TFB1M: variants seen among roughly 807,000 people sequenced by gnomAD.
TFB1M encodes the protein transcription factor B1, mitochondrial, also known as dimethyladenosine transferase 1, mitochondrial.
A neutral mutation model predicts 31.1 loss-of-function variants in TFB1M; 27 were observed. The ratio of observed to expected loss-of-function variants is 0.87; its 90% confidence interval spans 0.64 to 1.20. TFB1M has a LOEUF of 1.20. Ranked by LOEUF, TFB1M falls within the 50% of genes most tolerant of loss-of-function variation. TFB1M has a pLI of 0.00. For synonymous variants in TFB1M, 166 were observed against 151.8 expected (o/e 1.09, Z -0.69); for missense variants, 394 against 418.7 (o/e 0.94, Z 0.51).
intron 5 of TFB1M, among the ~76,000 whole-genome samples, chr6:155,277,543 A>C (rs6931617): frequency 0.71 from 108,126 of 152,114 alleles, 38,823 homozygotes; most frequent in East Asian, 0.98. Flanking sequence ...GGAAGAATAT[A>C]TTTTACGTAA....
chr6:155,279,120 G>C (rs1785363025), intron 5 of TFB1M, among the ~76,000 whole-genome samples: 1 of 151,976 alleles, frequency 6.6e-6, no homozygotes, highest in Non-Finnish European at 1.5e-5. Flanking sequence ...TTCTGAGTTT[G>C]AGAAATCATA....
At chr6:155,242,010 G>C in the TFB1M span, among the ~76,000 whole-genome samples, 1 of 152,340 alleles carries the variant, frequency 6.6e-6, no homozygotes, top group Non-Finnish European at 1.5e-5. Flanking sequence ...AGGCCACGCT[G>C]TACTGGGAGG....
intron 5 of TFB1M, among the ~76,000 whole-genome samples, chr6:155,261,707 C>T (rs933527612): frequency 6.6e-6 from 1 of 152,008 alleles, no homozygotes; most frequent in Non-Finnish European, 1.5e-5. Context: ...AGCCTGTCCC[C>T]GAAGGTTTCA....
chr6:155,229,933 G>C, the TFB1M span, among the ~76,000 whole-genome samples: 1 of 151,850 alleles, frequency 6.6e-6, no homozygotes, highest in Admixed American at 6.6e-5. Context: ...TCACTATCAC[G>C]AGTACAGCAT....
chr6:155,236,816 T>C, the TFB1M span, among the ~76,000 whole-genome samples: 1 of 152,192 alleles, frequency 6.6e-6, no homozygotes, highest in African/African-American at 2.4e-5. Context: ...ACCCCCATGA[T>C]TCAATCATCT....
chr6:155,311,082 G>A (rs1777995456), intron 2 of TFB1M, 106 bp downstream of exon 2: 1 of 1,276,002 alleles, frequency 7.8e-7, no homozygotes, highest in Admixed American at 1.7e-5. Context: ...ATCTATAGTT[G>A]AGGAAAAACC....
intron 5 of TFB1M, among the ~76,000 whole-genome samples, chr6:155,262,535 G>A (rs183187564): frequency 6.6e-6 from 1 of 152,202 alleles, no homozygotes; most frequent in African/African-American, 2.4e-5. Context: ...TTCTCCCAGT[G>A]ACAAAGAGCC....
the TFB1M span, among the ~76,000 whole-genome samples, chr6:155,240,010 C>T: frequency 2.0e-3 from 310 of 152,340 alleles, 2 homozygotes; most frequent in African/African-American, 7.2e-3. Flanking sequence ...AGCGGTTAGA[C>T]TGGAGGGCAG....
chr6:155,290,211 C>T (rs920650478), intron 4 of TFB1M, among the ~76,000 whole-genome samples: 23 of 151,550 alleles, frequency 1.5e-4, no homozygotes, highest in African/African-American at 5.6e-4. Context: ...ATGGTGAAAC[C>T]CCGTCTCTAC....
chr6:155,247,837 G>T, the TFB1M span, among the ~76,000 whole-genome samples: 28 of 152,298 alleles, frequency 1.8e-4, no homozygotes, highest in Admixed American at 1.2e-3. Flanking sequence ...GGAATCCCAC[G>T]CTGACAGCTG....
At chr6:155,275,323 TCTC>T (rs796378828) in intron 5 of TFB1M, among the ~76,000 whole-genome samples, 30 of 152,306 alleles carry the variant, frequency 2.0e-4, no homozygotes, top group African/African-American at 6.7e-4. Flanking sequence ...AATGTCTAAA[TCTC>T]CTAACAACGT....
downstream of TFB1M, chr6:155,254,932 C>T (rs1783905072): frequency 5.5e-6 from 1 of 180,568 alleles, no homozygotes; most frequent in Admixed American, 5.6e-5. Context: ...GATCAAGAAC[C>T]TTACACAGAG....
intron 2 of TFB1M, among the ~76,000 whole-genome samples, chr6:155,307,029 G>A (rs1777798225): frequency 6.6e-6 from 1 of 152,070 alleles, no homozygotes; most frequent in Non-Finnish European, 1.5e-5. Flanking sequence ...GCTGAAGTGG[G>A]AGGATTGCTT....
the TFB1M span, among the ~76,000 whole-genome samples, chr6:155,230,488 T>TTTCGG: frequency 6.6e-6 from 1 of 152,208 alleles, no homozygotes; most frequent in African/African-American, 2.4e-5. Context: ...TCGGCACTGG[T>TTTCGG]CACCTTTGAA....
chr6:155,286,632 CAT>C (rs1353649389), intron 4 of TFB1M, among the ~76,000 whole-genome samples: 146 of 128,818 alleles, frequency 1.1e-3, no homozygotes, highest in African/African-American at 3.7e-3. Context: ...TATATGTGTG[CAT>C]ATATGTGTGT....
At chr6:155,303,605 T>C (rs1467887032) in intron 2 of TFB1M, 1 of 152,254 alleles carries the variant, frequency 6.6e-6, no homozygotes, top group Non-Finnish European at 1.5e-5. Context: ...TACGTCACAA[T>C]AGCAAGGAAG....
downstream of TFB1M, chr6:155,254,709 T>A: frequency 9.0e-7 from 1 of 1,113,806 alleles, no homozygotes; most frequent in Non-Finnish European, 1.3e-6. Flanking sequence ...TTAAGAAACC[T>A]AAACATGCCT....
chr6:155,288,133 A>C (rs1776748747), intron 4 of TFB1M, among the ~76,000 whole-genome samples: 1 of 152,222 alleles, frequency 6.6e-6, no homozygotes, highest in Non-Finnish European at 1.5e-5. Context: ...GAAGATTAAA[A>C]AATAGGTTCT....
chr6:155,286,562 T>A (rs1776655625), intron 4 of TFB1M, among the ~76,000 whole-genome samples: 1 of 148,128 alleles, frequency 6.8e-6, no homozygotes, highest in South Asian at 2.1e-4. Context: ...TGTATATATA[T>A]GTATATATAT....
Sources: gnomAD v4.1 joint callset for allele counts (sites outside exome capture counted in the v4.1 genomes callset) on GRCh38, gnomAD v4.1.1 for gene constraint, MANE v1.5 for transcripts, NCBI Gene and HGNC (gene_info 2026-07-23, HGNC 2026-07-21) for gene names.